The following NAV2 variants were observed in gnomAD, a reference collection of about 807,000 sequenced individuals.
The protein encoded by NAV2 is helicase, APC down-regulated 1.
Under a neutral mutation model 223.2 loss-of-function variants are expected in NAV2, and 54 were observed. That is an observed-to-expected ratio of 0.24 (90% CI 0.19 to 0.30). The LOEUF is 0.30. Ranked by LOEUF, NAV2 falls within the 10% of genes least tolerant of loss-of-function variation. The pLI is 1.00. For synonymous variants in NAV2, 1,279 were observed against 1,239.3 expected (o/e 1.03, Z -0.67); for missense variants, 2,806 against 3,147.5 (o/e 0.89, Z 2.60).
chr11:19,896,495 A>C (rs2041994517), intron 6 of NAV2, among the ~76,000 whole-genome samples: 1 of 152,086 alleles, frequency 6.6e-6, no homozygotes, highest in Non-Finnish European at 1.5e-5. Context: ...TACTGCTTGG[A>C]AAATAAACAC....
intron 1 of NAV2, among the ~76,000 whole-genome samples, chr11:19,716,425 G>C (rs76877928): frequency 0.019 from 2,940 of 152,302 alleles, 89 homozygotes; most frequent in African/African-American, 0.068. Flanking sequence ...ATAACGTAAA[G>C]TGTTCAGTGC....
At chr11:19,627,156 G>A (rs1435972620) in intron 1 of NAV2, among the ~76,000 whole-genome samples, 4 of 152,206 alleles carry the variant, frequency 2.6e-5, no homozygotes, top group Non-Finnish European at 4.4e-5. Flanking sequence ...AGGAGGCTGA[G>A]GTGGGTGGAT....
At position 19,880,025 on chromosome 11, in the gene NAV2, G is replaced by A. The variant is rs1334825894; in HGVS notation, c.668G>A (p.Gly223Asp). 6.2e-7 allele frequency: 1 copy of A among 1,613,534 alleles called. No individual in the cohort carries two copies. The highest frequency in any genetic ancestry group is 1.7e-5 in the Admixed American group (1 of 59,972). Residue 223 changes from glycine (G) to aspartate (D), a missense_variant, in exon 5 of 38, where the codon GGC becomes GAC. Around this residue, in one of 4 missense-constraint regions of NAV2, gnomAD observed 1,167 missense variants for 1,180.5 expected, o/e 0.99. Transcript: ENST00000349880. ...VAGAPSQCQA[G>D]TPQQQVPVTP... Reference sequence around the variant, plus strand: ...GGGGCCCCCTCCCAGTGCCAGGCTGGCACCCCTCAGCAGCAGGTGCCAGTC... The same window carrying A: ...GGGGCCCCCTCCCAGTGCCAGGCTGACACCCCTCAGCAGCAGGTGCCAGTC...
At position 19,949,226 on chromosome 11, in the gene NAV2, T is replaced by C. The variant is rs1489632680; in HGVS notation, c.2645+146T>C. The C allele has an allele frequency of 4.3e-6, 4 of 927,114 alleles. No individual in the cohort carries two copies. The East Asian group carries it at 1.1e-4, about 25-fold the overall frequency. The allele number at this position is 927,114 out of a possible 1,614,324, so 57.4% of individuals were successfully genotyped here. On this transcript the variant is annotated intron_variant, in intron 10 of 37. Coordinates refer to ENST00000349880, the MANE Select transcript of NAV2 (RefSeq NM_145117.5). ...TGTCCATATCAAAGGCTGTGTGACA[T>C]GGAGGGAAACGCTGCTCGGCTGTGA...
intron 7 of NAV2, among the ~76,000 whole-genome samples, chr11:19,939,064 G>A (rs2046178303): frequency 6.6e-6 from 1 of 152,182 alleles, no homozygotes; most frequent in African/African-American, 2.4e-5. Context: ...GGCATGGAGA[G>A]GGTTTGGGGA....
At chr11:19,373,264 C>T (rs1848531244) in intron 1 of NAV2, among the ~76,000 whole-genome samples, 1 of 152,138 alleles carries the variant, frequency 6.6e-6, no homozygotes, top group African/African-American at 2.4e-5. Context: ...TGATAACTCC[C>T]CAATTTATGA....
At chr11:19,743,556 A>C (rs900625042) in intron 1 of NAV2, among the ~76,000 whole-genome samples, 2 of 152,218 alleles carry the variant, frequency 1.3e-5, no homozygotes, top group Admixed American at 6.5e-5. Flanking sequence ...AGTTCTAGGC[A>C]TGAGGAGCTT....
intron 1 of NAV2, among the ~76,000 whole-genome samples, chr11:19,800,059 T>C (rs978514844): frequency 2.6e-5 from 4 of 152,218 alleles, no homozygotes; most frequent in Non-Finnish European, 4.4e-5. Flanking sequence ...TCATCTTCTA[T>C]TAAATTGACA....
chr11:19,610,756 C>A (rs1013561981), intron 1 of NAV2, among the ~76,000 whole-genome samples: 1 of 150,500 alleles, frequency 6.6e-6, no homozygotes, highest in African/African-American at 2.4e-5. Context: ...ATGGATGGAG[C>A]AGTGGGTGGA....
At chr11:19,699,288 G>C (rs10732469) in intron 1 of NAV2, among the ~76,000 whole-genome samples, 204 of 151,784 alleles carry the variant, frequency 1.3e-3, no homozygotes, top group African/African-American at 4.9e-3. Context: ...GTCTGTAAAA[G>C]AGGGGAAAAT....
At chr11:19,388,267 T>C (rs1249279511) in intron 1 of NAV2, among the ~76,000 whole-genome samples, 1 of 152,228 alleles carries the variant, frequency 6.6e-6, no homozygotes, top group Non-Finnish European at 1.5e-5. Flanking sequence ...TGGACATTTA[T>C]GACTGTCCTT....
chr11:19,660,201 C>T (rs1442532087), intron 1 of NAV2, among the ~76,000 whole-genome samples: 9 of 152,142 alleles, frequency 5.9e-5, no homozygotes, highest in East Asian at 5.8e-4. Context: ...TTTGGTAGCA[C>T]GGCAAGTCTG....
intron 1 of NAV2, among the ~76,000 whole-genome samples, chr11:19,671,859 A>T (rs2048579063): frequency 6.6e-6 from 1 of 152,140 alleles, no homozygotes; most frequent in African/African-American, 2.4e-5. Context: ...AGGTAAACAA[A>T]CCTTTAGGAG....
At chr11:19,385,545 G>T (rs1256418431) in intron 1 of NAV2, among the ~76,000 whole-genome samples, 2 of 152,122 alleles carry the variant, frequency 1.3e-5, no homozygotes, top group African/African-American at 4.8e-5. Context: ...TTGCACCAAA[G>T]ATTGAAGTCT....
In NAV2 at chr11:19,416,198, A is replaced by C. The variant is rs1054546598; in HGVS notation, c.75+65171A>C. Among the ~76,000 whole-genome samples, 8 of 152,214 alleles carry C rather than the reference A, an allele frequency of 5.3e-5. 1 individual carries two copies. Among genetic ancestry groups the C allele is most frequent in the Non-Finnish European group, 1.2e-4 (8 of 68,040 alleles). On this transcript the variant is annotated intron_variant, in intron 1 of 37. Coordinates refer to the NAV2 transcript ENST00000360655. Reference sequence around the variant, plus strand: ...CATGATTGTATATTTAGAAAACCCCATTGTCTCAGCCCAAAATCTCCTTAA... The same window carrying C: ...CATGATTGTATATTTAGAAAACCCCCTTGTCTCAGCCCAAAATCTCCTTAA...
At chr11:20,009,029 A>C (rs1004556180) in intron 11 of NAV2, among the ~76,000 whole-genome samples, 1 of 152,136 alleles carries the variant, frequency 6.6e-6, no homozygotes, top group African/African-American at 2.4e-5. Flanking sequence ...TTACTGGCAA[A>C]TGAGACTTCC....
Position 20,094,029 on chromosome 11 carries a change from A to G in NAV2, c.5916+830A>G, listed in dbSNP as rs183634084. Among the ~76,000 whole-genome samples the G allele has an allele frequency of 2.5e-3, 374 of 152,274 alleles. 1 individual carries two copies. Among genetic ancestry groups the G allele is most frequent in the Non-Finnish European group, 4.1e-3 (278 of 68,020 alleles). ...GGAACCCACAGAACAAAGCGTCTGC[A>G]GCCAGACCTTTCTTAGGGGATTCAG... On this transcript the variant is annotated intron_variant, in intron 29 of 37. Coordinates refer to ENST00000349880, the MANE Select transcript of NAV2 (RefSeq NM_145117.5).
chr11:19,515,673 AAT>A (rs989925098), intron 1 of NAV2, among the ~76,000 whole-genome samples: 7 of 152,212 alleles, frequency 4.6e-5, no homozygotes, highest in African/African-American at 1.7e-4. Context: ...TAAGAGATAA[AAT>A]ATATATTATG....
At chr11:19,843,159 C>T (rs547427020) in intron 3 of NAV2, among the ~76,000 whole-genome samples, 1 of 152,250 alleles carries the variant, frequency 6.6e-6, no homozygotes, top group Admixed American at 6.5e-5. Flanking sequence ...AAATATTGTC[C>T]TTGTTCTTAG....
Sources: gnomAD v4.1 joint callset for allele counts (sites outside exome capture counted in the v4.1 genomes callset) on GRCh38, gnomAD v4.1.1 for gene constraint, gnomAD v4.1.1 regional missense constraint, MANE v1.5 for transcripts, NCBI Gene and HGNC (gene_info 2026-07-23, HGNC 2026-07-21) for gene names.